DYM: variants seen among roughly 807,000 people sequenced by gnomAD.
DYM encodes the protein dymeclin.
A neutral mutation model predicts 93.1 loss-of-function variants in DYM; 78 were observed. The observed-to-expected ratio is 0.84, with a 90% CI of 0.70 to 1.01. The LOEUF (loss-of-function observed/expected upper bound fraction) is 1.01. Ranked by LOEUF, DYM falls within the 50% of genes least tolerant of loss-of-function variation. The pLI is 0.00. For missense variants in DYM, 789 were observed against 845.0 expected, an observed-to-expected ratio of 0.93 and a Z score of 0.82; for synonymous variants, 321 against 319.7, an observed-to-expected ratio of 1.00 and a Z score of -0.04.
intron 12 of DYM, among the ~76,000 whole-genome samples, 189 bp downstream of exon 12, chr18:49,258,191 T>C (rs183150952): frequency 4.6e-4 from 70 of 152,286 alleles, no homozygotes; most frequent in African/African-American, 1.6e-3. Context: ...ATATCTCCAA[T>C]CATACAAGCC....
chr18:49,379,576 A>G (rs1343911022), intron 4 of DYM, 89 bp downstream of exon 4: 2 of 1,163,158 alleles, frequency 1.7e-6, no homozygotes, highest in Non-Finnish European at 2.6e-6. Context: ...GAGATTTTCA[A>G]AAGACCACAG....
chr18:49,390,300 T>C (rs1044667058), intron 3 of DYM, among the ~76,000 whole-genome samples: 2 of 151,970 alleles, frequency 1.3e-5, no homozygotes, highest in Admixed American at 6.6e-5. Context: ...TGTGGTGCCA[T>C]GCACCTATAG....
intron 6 of DYM, among the ~76,000 whole-genome samples, chr18:49,359,132 C>T (rs777151781): frequency 5.3e-5 from 8 of 152,148 alleles, no homozygotes; most frequent in Non-Finnish European, 1.0e-4. Context: ...TGTTAGAACA[C>T]TCCATATTAG....
chr18:49,202,791 G>A (rs28497971), intron 14 of DYM, among the ~76,000 whole-genome samples: 4,291 of 39,644 alleles, frequency 0.11, 372 homozygotes, highest in East Asian at 0.22. Context: ...GAGCCCCTCC[G>A]CCCGGCAGCT....
At chr18:49,272,539 A>G (rs1313020233) in intron 10 of DYM, among the ~76,000 whole-genome samples, 2 of 152,172 alleles carry the variant, frequency 1.3e-5, no homozygotes, top group Non-Finnish European at 2.9e-5. Flanking sequence ...TAACCAACAT[A>G]AAGGTTGGAT....
At chr18:49,433,812 G>C (rs2080557275) in intron 1 of DYM, among the ~76,000 whole-genome samples, 1 of 152,194 alleles carries the variant, frequency 6.6e-6, no homozygotes, top group South Asian at 2.1e-4. Context: ...AGATTGCAGT[G>C]AGCCGAGATT....
intron 13 of DYM, among the ~76,000 whole-genome samples, chr18:49,248,019 G>C (rs2094207334): frequency 6.6e-6 from 1 of 152,152 alleles, no homozygotes; most frequent in Non-Finnish European, 1.5e-5. Flanking sequence ...GATCAAACAA[G>C]GATCAGCAAA....
intron 13 of DYM, among the ~76,000 whole-genome samples, chr18:49,218,096 G>T (rs541078181): frequency 1.3e-5 from 2 of 152,202 alleles, no homozygotes; most frequent in Admixed American, 1.3e-4. Context: ...AAAGGCAGGG[G>T]TTGCAATCCT....
intron 8 of DYM, among the ~76,000 whole-genome samples, chr18:49,316,466 G>A (rs993952034): frequency 2.6e-5 from 4 of 152,028 alleles, no homozygotes; most frequent in South Asian, 2.1e-4. Flanking sequence ...AAAACATCAC[G>A]TAAAAAGATG....
At position 49,410,898 on chromosome 18, in the gene DYM, C is replaced by A. The variant is rs556123352; in HGVS notation, c.141-19253G>T. Among the ~76,000 whole-genome samples the A allele has an allele frequency of 1.3e-5, 2 of 152,288 alleles. 1 individual carries two copies. Among genetic ancestry groups the A allele is most frequent in the East Asian group, 3.9e-4 (2 of 5,190 alleles). On this transcript the variant is annotated intron_variant, in intron 2 of 17. Transcript: ENST00000675505. ...AGAAAAAGTATTATTTAACCTTCTA[C>A]AAAAGAAATGTGTTTAAAGATGTTA...
At chr18:49,185,311 T>A (rs1296936741) in intron 14 of DYM, among the ~76,000 whole-genome samples, 1 of 152,190 alleles carries the variant, frequency 6.6e-6, no homozygotes, top group Non-Finnish European at 1.5e-5. Flanking sequence ...GGAATTGGAT[T>A]TGAAAAACAC....
intron 6 of DYM, among the ~76,000 whole-genome samples, chr18:49,341,147 A>T (rs1160029823): frequency 6.6e-6 from 1 of 152,214 alleles, no homozygotes; most frequent in Non-Finnish European, 1.5e-5. Flanking sequence ...ATGACAAAAA[A>T]TAGAAAGTAA....
chr18:49,067,659 C>T (rs2076578456), intron 17 of DYM, among the ~76,000 whole-genome samples: 1 of 152,134 alleles, frequency 6.6e-6, no homozygotes, highest in African/African-American at 2.4e-5. Context: ...AAACAATTGT[C>T]CATGCCACAT....
intron 17 of DYM, among the ~76,000 whole-genome samples, chr18:49,072,900 C>G (rs1407940092): frequency 6.6e-6 from 1 of 152,200 alleles, no homozygotes; most frequent in Admixed American, 6.5e-5. Flanking sequence ...AGACTAGGCT[C>G]TTAAACCTGC....
intron 2 of DYM, among the ~76,000 whole-genome samples, chr18:49,426,755 A>ACGTGTGTG (rs201910559): frequency 0.028 from 4,204 of 147,786 alleles, 77 homozygotes; most frequent in East Asian, 0.05. Context: ...ACTGGAAAAC[A>ACGTGTGTG]TGTGTGTGTG....
At chr18:49,215,909 G>A (rs998816455) in intron 13 of DYM, among the ~76,000 whole-genome samples, 1 of 152,246 alleles carries the variant, frequency 6.6e-6, no homozygotes, top group African/African-American at 2.4e-5. Context: ...GCAGGACAGT[G>A]GGTGCAGCGC....
intron 15 of DYM, among the ~76,000 whole-genome samples, chr18:49,138,067 C>G (rs2084046488): frequency 6.6e-6 from 1 of 152,130 alleles, no homozygotes; most frequent in South Asian, 2.1e-4. Context: ...ATTGCCTCAT[C>G]AAGCAAAATG....
intron 2 of DYM, among the ~76,000 whole-genome samples, chr18:49,422,329 GAA>G (rs1568417916): frequency 1.3e-5 from 2 of 152,330 alleles, no homozygotes; most frequent in African/African-American, 4.8e-5. Flanking sequence ...CTACAAGCCA[GAA>G]GAGAGTGGGG....
rs188461326 is a variant in DYM, at chr18:49,112,738, G to A, written c.1911+6006C>T. 1.3e-4 allele frequency among the ~76,000 whole-genome samples: 20 copies of A among 152,242 alleles called. 1 individual carries two copies. The highest frequency in any genetic ancestry group is 7.2e-4 in the Admixed American group (11 of 15,294). On this transcript the variant is annotated intron_variant, in intron 16 of 17. Coordinates refer to ENST00000675505, the MANE Select transcript of DYM (RefSeq NM_001353214.3). ...TCATTTTAATGGTACAGTTCAACCAGTTTTGACAAATATGCATACCCTGTA... is the reference window on the plus strand; with the variant it reads ...TCATTTTAATGGTACAGTTCAACCAATTTTGACAAATATGCATACCCTGTA...
Sources: gnomAD v4.1 joint callset for allele counts (sites outside exome capture counted in the v4.1 genomes callset) on GRCh38, gnomAD v4.1.1 for gene constraint, MANE v1.5 for transcripts, NCBI Gene and HGNC (gene_info 2026-07-23, HGNC 2026-07-21) for gene names.